The following CHEK1 variants were observed in gnomAD, a reference collection of about 807,000 sequenced individuals.
The protein encoded by CHEK1 is serine/threonine-protein kinase Chk1.
CHEK1 carries 32 observed loss-of-function variants against 60.2 expected under a neutral mutation model. The ratio of observed to expected loss-of-function variants is 0.53; its 90% CI spans 0.40 to 0.71. The LOEUF (loss-of-function observed/expected upper bound fraction) is 0.71. Among genes scored for constraint, CHEK1 ranks in the 30% least tolerant of loss-of-function variants. The pLI, the probability that CHEK1 is intolerant of heterozygous loss-of-function variation, is 0.00. For synonymous variants in CHEK1, 179 were observed against 187.2 expected, an observed-to-expected ratio of 0.96 and a Z score of 0.36; for missense variants, 399 against 564.6, an observed-to-expected ratio of 0.71 and a Z score of 2.97.
chr11:125,654,483 T>A (rs509346), intron 12 of CHEK1, among the ~76,000 whole-genome samples: 48,379 of 152,050 alleles, frequency 0.32, 7,964 homozygotes, highest in East Asian at 0.42. Context: ...TTATGATTTG[T>A]TACAAATATT....
In CHEK1 at chr11:125,676,197, C is replaced by T. The variant is rs560092206; in HGVS notation, c.*297C>T. The T allele has an allele frequency of 5.3e-6, 5 of 936,636 alleles. No homozygotes were observed. The South Asian group carries it at 9.0e-5, about 17-fold the overall frequency. 58.0% of individuals were successfully genotyped at this position (936,636 alleles called of 1,614,324 possible). A position where few individuals can be genotyped will look rare whatever the true frequency, so the allele number is the denominator to read the frequency against. ...TGCTGGGATTTTAGGTGTGAGCCAC[C>T]TCGCCTGGCAAGGGATTCTGTTCTT... On this transcript the variant is annotated 3_prime_UTR_variant, in exon 14 of 14. Transcript: ENST00000428830.
chr11:125,633,078 T>C, intron 5 of CHEK1, 85 bp from the exon 6 acceptor site: 7 of 1,263,206 alleles, frequency 5.5e-6, no homozygotes, highest in Non-Finnish European at 7.5e-6. Context: ...ACCAGTGATT[T>C]TTTTTCAGTA....
At chr11:125,654,746 G>C (rs1941854910) in intron 12 of CHEK1, among the ~76,000 whole-genome samples, 1 of 152,170 alleles carries the variant, frequency 6.6e-6, no homozygotes, top group African/African-American at 2.4e-5. Flanking sequence ...CTTTGTATTA[G>C]AGATTTGCTG....
chr11:125,644,761 C>T (rs998587280), intron 11 of CHEK1, 118 bp downstream of exon 11: 11 of 1,179,414 alleles, frequency 9.3e-6, no homozygotes, highest in Non-Finnish European at 1.2e-5. Flanking sequence ...GTAATCCCAG[C>T]TTTTTGGGAG....
chr11:125,626,066 G>A, intron 1 of CHEK1, 54 bp downstream of exon 1: 3 of 679,396 alleles, frequency 4.4e-6, no homozygotes, highest in Non-Finnish European at 2.7e-6. Context: ...GGAGTTCGGG[G>A]TCTAGATTAG....
chr11:125,629,275 C>G lies in CHEK1; in HGVS notation c.333C>G (p.Phe111Leu), dbSNP rs867318349. ...CTGAACCAGATGCTCAGAGATTCTTCCATCAACTCATGGCAGGGGTGGTAG... is the reference window on the plus strand; with the variant it reads ...CTGAACCAGATGCTCAGAGATTCTTGCATCAACTCATGGCAGGGGTGGTAG... ...GMPEPDAQRFFHQLMAGVVYL... is the reference protein window; with the variant it reads ...GMPEPDAQRFLHQLMAGVVYL... Residue 111 changes from phenylalanine to leucine, a missense_variant, in exon 4 of 13, where the codon TTC becomes TTG. Physicochemically the swap from Phe to Leu is conservative, Grantham distance 22. Transcript: ENST00000438015. The G allele has an allele frequency of 1.2e-6, 2 of 1,614,020 alleles. No individual in the cohort carries two copies. The highest frequency in any genetic ancestry group is 2.7e-5 in the African/African-American group (2 of 74,914).
At chr11:125,665,133 A>G (rs1216066440) in intron 13 of CHEK1, among the ~76,000 whole-genome samples, 1 of 151,352 alleles carries the variant, frequency 6.6e-6, no homozygotes, top group African/African-American at 2.4e-5. Context: ...TCATTGGTCT[A>G]CGTGTGTATC....
intron 11 of CHEK1, among the ~76,000 whole-genome samples, chr11:125,652,950 T>G (rs921144561): frequency 3.3e-5 from 5 of 152,186 alleles, no homozygotes; most frequent in African/African-American, 1.2e-4. Context: ...TTCATGAATC[T>G]CTATCTTTCC....
At chr11:125,672,852 A>G (rs1591433525) in intron 13 of CHEK1, 2 of 1,142,610 alleles carry the variant, frequency 1.8e-6, no homozygotes, top group Admixed American at 2.8e-5. Context: ...TTTCTCTTCT[A>G]TTTGCTTCCT....
intron 8 of CHEK1, among the ~76,000 whole-genome samples, chr11:125,638,662 C>T (rs1219818617): frequency 6.6e-6 from 1 of 152,152 alleles, no homozygotes; most frequent in Non-Finnish European, 1.5e-5. Flanking sequence ...TTGATCTGGA[C>T]ATGGTACAGG....
downstream of CHEK1, among the ~76,000 whole-genome samples, chr11:125,680,492 T>A (rs1466300988): frequency 6.6e-6 from 1 of 152,096 alleles, no homozygotes; most frequent in Non-Finnish European, 1.5e-5. Context: ...AAATGTTGAG[T>A]GGCTAAAATA....
intron 3 of CHEK1, 47 bp downstream of exon 3, chr11:125,627,877 T>C (rs1352771578): frequency 1.4e-6 from 2 of 1,417,560 alleles, no homozygotes; most frequent in Non-Finnish European, 1.9e-6. Context: ...TTTTTAAATT[T>C]GTTTTTTAAA....
intron 13 of CHEK1, among the ~76,000 whole-genome samples, chr11:125,669,869 G>T (rs1468701853): frequency 6.6e-6 from 1 of 151,632 alleles, no homozygotes. Context: ...TGAGTTTATT[G>T]AGCTTCCTAG....
intron 11 of CHEK1, among the ~76,000 whole-genome samples, chr11:125,651,146 CTGTT>C (rs1941711305): frequency 6.6e-6 from 1 of 152,116 alleles, no homozygotes; most frequent in African/African-American, 2.4e-5. Context: ...CTTGGGTAGT[CTGTT>C]TGCACCAGTT....
chr11:125,677,541 G>A (rs185161358), downstream of CHEK1, among the ~76,000 whole-genome samples: 2 of 152,310 alleles, frequency 1.3e-5, no homozygotes, highest in East Asian at 3.9e-4. Flanking sequence ...CTTATGGAGA[G>A]TGAAGTTGGA....
At chr11:125,678,422 C>T (rs1942629902), downstream of CHEK1, 4 of 1,119,944 alleles carry the variant, frequency 3.6e-6, no homozygotes, top group East Asian at 2.4e-5. Context: ...GATTGGGCAC[C>T]TGAAGACTGC....
intron 12 of CHEK1, among the ~76,000 whole-genome samples, chr11:125,654,547 T>G (rs1027724305): frequency 2.0e-5 from 3 of 152,230 alleles, no homozygotes; most frequent in Non-Finnish European, 4.4e-5. Context: ...GATTGCTATT[T>G]TATGCATAGA....
downstream of CHEK1, chr11:125,657,172 A>G (rs557784): frequency 6.6e-6 from 1 of 150,856 alleles, no homozygotes. Context: ...TTTTGATGGA[A>G]AAATCAACCT....
rs563722813 is a variant in CHEK1, at chr11:125,629,273, T to G, written c.331T>G (p.Phe111Val). The change falls in exon 4 of 13, where the codon TTC becomes GTC. Residue 111 changes from phenylalanine (F) to valine (V), a missense_variant. By Grantham distance (50) the Phe-to-Val change is conservative (BLOSUM62 -1). Coordinates refer to ENST00000438015, the MANE Select transcript of CHEK1 (RefSeq NM_001114122.3). ...GCCTGAACCAGATGCTCAGAGATTC[T>G]TCCATCAACTCATGGCAGGGGTGGT... ...GMPEPDAQRF[F>V]HQLMAGVVYL... 5 of 1,614,174 alleles carry G rather than the reference T, an allele frequency of 3.1e-6. No individual in the cohort carries two copies. In the African/African-American group the frequency reaches 5.3e-5, roughly 17 times the overall value.
Sources: allele counts gnomAD v4.1 joint callset (sites outside exome capture counted in the v4.1 genomes callset), GRCh38; gene constraint gnomAD v4.1.1; transcripts MANE v1.5; gene names NCBI Gene and HGNC (gene_info 2026-07-23, HGNC 2026-07-21).